Variants in ENOX2 observed in about 807,000 individuals in gnomAD.
The protein encoded by ENOX2 is APK1 antigen.
A neutral mutation model predicts 45.0 loss-of-function variants in ENOX2; 36 were observed. That is an observed-to-expected ratio of 0.80 (90% CI 0.61 to 1.06). ENOX2 has a LOEUF of 1.06. Among genes scored for constraint, ENOX2 ranks in the 50% least tolerant of loss-of-function variants. ENOX2 has a pLI of 0.00. For synonymous variants in ENOX2, 174 were observed against 152.3 expected, an observed-to-expected ratio of 1.14 and a Z score of -1.05; for missense variants, 423 against 462.5, an observed-to-expected ratio of 0.91 and a Z score of 0.78.
Position 130,726,688 on chromosome X carries a change from C to T in ENOX2, c.-38-23434G>A, listed in dbSNP as rs7885753. ...TTCAACAAGATTTAGTCTCACTTCCCTTTGCCTCCTGGTCTCTTGCTAATG... is the reference window on the plus strand; with the variant it reads ...TTCAACAAGATTTAGTCTCACTTCCTTTTGCCTCCTGGTCTCTTGCTAATG... On this transcript the variant is annotated intron_variant, in intron 3 of 14. Transcript: ENST00000394363. 4.0e-3 allele frequency among the ~76,000 whole-genome samples: 451 copies of T among 112,440 alleles called. 2 individuals carry two copies. Among genetic ancestry groups the T allele is most frequent in the African/African-American group, 0.014 (436 of 31,001 alleles).
At chrX:130,756,080 A>G (rs913092221) in intron 3 of ENOX2, among the ~76,000 whole-genome samples, 2 of 112,268 alleles carry the variant, frequency 1.8e-5, no homozygotes, top group Non-Finnish European at 3.8e-5. Context: ...ACATTTCTAA[A>G]GCTAACCTGA....
chrX:130,889,601 G>A (rs1488619322), intron 2 of ENOX2, among the ~76,000 whole-genome samples: 7 of 111,442 alleles, frequency 6.3e-5, no homozygotes, highest in African/African-American at 1.6e-4. Context: ...AAACAGAGGG[G>A]AGGGGTGGAG....
chrX:130,815,791 A>G (rs891582698), intron 2 of ENOX2, among the ~76,000 whole-genome samples: 5 of 112,102 alleles, frequency 4.5e-5, no homozygotes, highest in Non-Finnish European at 9.4e-5. Context: ...CACTGCAAAA[A>G]CATACCTAAT....
chrX:130,850,096 T>C (rs2078180288), intron 2 of ENOX2, among the ~76,000 whole-genome samples: 1 of 112,157 alleles, frequency 8.9e-6, no homozygotes, highest in African/African-American at 3.2e-5. Context: ...ACATCTTCAA[T>C]AGCCTTTATT....
intron 2 of ENOX2, among the ~76,000 whole-genome samples, chrX:130,897,827 C>T (rs988415825): frequency 3.6e-5 from 4 of 111,161 alleles, no homozygotes; most frequent in African/African-American, 1.3e-4. Flanking sequence ...TATATAGAGA[C>T]CAGATGGTTT....
chrX:130,737,743 C>T (rs2038894921), intron 3 of ENOX2, among the ~76,000 whole-genome samples: 1 of 111,742 alleles, frequency 8.9e-6, no homozygotes, highest in Admixed American at 9.5e-5. Context: ...TCAGGACTTG[C>T]AGGCAGCCCA....
intron 3 of ENOX2, among the ~76,000 whole-genome samples, chrX:130,721,924 CTGTT>C (rs1167588761): frequency 2.7e-5 from 3 of 112,076 alleles, no homozygotes; most frequent in African/African-American, 9.7e-5. Flanking sequence ...TATAAGAAGT[CTGTT>C]TGTGATCCCA....
intron 5 of ENOX2, among the ~76,000 whole-genome samples, chrX:130,687,063 T>G (rs1476278444): frequency 1.8e-5 from 2 of 111,927 alleles, no homozygotes; most frequent in South Asian, 3.8e-4. Context: ...AAAATGTATT[T>G]GAGAGATGTC....
intron 3 of ENOX2, among the ~76,000 whole-genome samples, chrX:130,713,458 A>G (rs2038244889): frequency 9.0e-6 from 1 of 111,710 alleles, no homozygotes; most frequent in African/African-American, 3.3e-5. Flanking sequence ...CTGGAATACC[A>G]TCAGGCTCCA....
chrX:130,716,134 C>T (rs950723973), intron 3 of ENOX2, among the ~76,000 whole-genome samples: 4 of 111,137 alleles, frequency 3.6e-5, no homozygotes, highest in Non-Finnish European at 7.6e-5. Context: ...GATTAAAAGT[C>T]ATGGCAAAAA....
chrX:130,692,612 G>A (rs1305828417), intron 4 of ENOX2, among the ~76,000 whole-genome samples: 2 of 95,821 alleles, frequency 2.1e-5, no homozygotes, highest in African/African-American at 3.9e-5. Flanking sequence ...ACGGAGTCCC[G>A]CTCTGTTGCC....
chrX:130,892,277 G>T (rs750247078), intron 2 of ENOX2, among the ~76,000 whole-genome samples: 1 of 112,294 alleles, frequency 8.9e-6, no homozygotes, highest in South Asian at 3.7e-4. Flanking sequence ...TGCATCTTAT[G>T]GTAAATCAGC....
At chrX:130,698,694 A>C (rs2037824835) in intron 4 of ENOX2, among the ~76,000 whole-genome samples, 1 of 111,609 alleles carries the variant, frequency 9.0e-6, no homozygotes, top group South Asian at 3.8e-4. Flanking sequence ...AGCTTGCAGA[A>C]CAGTGGTCTG....
At chrX:130,755,101 C>T (rs2039323080) in intron 3 of ENOX2, among the ~76,000 whole-genome samples, 1 of 110,252 alleles carries the variant, frequency 9.1e-6, no homozygotes, top group Non-Finnish European at 1.9e-5. Flanking sequence ...GACTAAATTA[C>T]ATCAGCACAA....
At chrX:130,820,655 C>G (rs1403055302) in intron 2 of ENOX2, among the ~76,000 whole-genome samples, 2 of 112,376 alleles carry the variant, frequency 1.8e-5, no homozygotes, top group Non-Finnish European at 3.8e-5. Context: ...TTGTCATTTG[C>G]CAACGACATG....
At chrX:130,716,899 C>T (rs1023845867) in intron 3 of ENOX2, among the ~76,000 whole-genome samples, 42 of 112,061 alleles carry the variant, frequency 3.7e-4, no homozygotes, top group African/African-American at 1.4e-3. Flanking sequence ...AGTGAATCTC[C>T]AGGCCACTAG....
intron 3 of ENOX2, among the ~76,000 whole-genome samples, chrX:130,746,981 A>G (rs1393582494): frequency 8.9e-6 from 1 of 112,047 alleles, no homozygotes; most frequent in African/African-American, 3.2e-5. Flanking sequence ...GAAAATATAA[A>G]AGGAGAATTA....
intron 2 of ENOX2, among the ~76,000 whole-genome samples, chrX:130,856,554 G>A (rs938130366): frequency 9.0e-5 from 10 of 111,420 alleles, no homozygotes; most frequent in African/African-American, 3.3e-4. Flanking sequence ...TGTGCTTTCT[G>A]TCACTATGAC....
chrX:130,709,919 C>T (rs192088642), intron 3 of ENOX2, among the ~76,000 whole-genome samples: 1 of 109,904 alleles, frequency 9.1e-6, no homozygotes, highest in Non-Finnish European at 1.9e-5. Context: ...TCTCCTAGCC[C>T]CCCACCCCCT....
Sources: allele counts gnomAD v4.1 joint callset (sites outside exome capture counted in the v4.1 genomes callset), GRCh38; gene constraint gnomAD v4.1.1; transcripts MANE v1.5; gene names NCBI Gene and HGNC (gene_info 2026-07-23, HGNC 2026-07-21).